Variants in PKM observed in about 807,000 individuals in gnomAD.
PKM encodes pyruvate kinase PKM.
PKM carries 18 observed loss-of-function variants against 49.8 expected under a neutral mutation model. The observed-to-expected ratio is 0.36, with a 90% confidence interval of 0.25 to 0.54. The LOEUF is 0.54. PKM is among the 20% of genes least tolerant of loss of function. The pLI is 0.89. For missense variants in PKM, 508 were observed against 713.8 expected, an observed-to-expected ratio of 0.71 and a Z score of 3.28; for synonymous variants, 239 against 261.8, an observed-to-expected ratio of 0.91 and a Z score of 0.84.
chr15:72,216,949 C>T (rs2082391117), intron 3 of PKM, among the ~76,000 whole-genome samples: 1 of 152,162 alleles, frequency 6.6e-6, no homozygotes, highest in South Asian at 2.1e-4. Flanking sequence ...CTCAGTCCCT[C>T]AAAACTTAGA....
At position 72,199,394 on chromosome 15, in the gene PKM, GC is replaced by G. The variant is rs1433874968; in HGVS notation, c.*255del. The G allele has an allele frequency of 6.0e-6, 4 of 669,282 alleles. No individual in the cohort carries two copies. In the Admixed American group the frequency reaches 8.2e-5, roughly 14 times the overall value. The allele number at this position is 669,282 out of a possible 1,614,324, so 41.5% of individuals were successfully genotyped here. A position where few individuals can be genotyped will look rare whatever the true frequency, so the allele number is the denominator to read the frequency against. ...ACCCTCTTGCCATCTGGCTCCAGGG[GC>G]CTCCAGTCCAGCATTCCTCCTTCTT... On this transcript the variant is annotated 3_prime_UTR_variant, in exon 11 of 11. Transcript: ENST00000335181.
intron 2 of PKM, among the ~76,000 whole-genome samples, chr15:72,218,586 ATTT>A (rs11356526): frequency 1.5e-5 from 2 of 135,536 alleles, no homozygotes; most frequent in Non-Finnish European, 1.6e-5. Context: ...TGCCCAGCTA[ATTT>A]TTTTTTTTTT....
chr15:72,221,924 C>CAAAA (rs10706808), intron 1 of PKM, among the ~76,000 whole-genome samples: 1 of 109,934 alleles, frequency 9.1e-6, no homozygotes, highest in Non-Finnish European at 2.0e-5. Flanking sequence ...AACCTCAAAG[C>CAAAA]AAAAAAAAAA....
chr15:72,206,654 C>G, intron 8 of PKM, 74 bp downstream of exon 8: 1 of 1,450,728 alleles, frequency 6.9e-7, no homozygotes, highest in Non-Finnish European at 9.7e-7. Flanking sequence ...ACCTAAAAAG[C>G]TCTGCACCAG....
chr15:72,211,398 G>GA, intron 3 of PKM, among the ~76,000 whole-genome samples: 1 of 152,164 alleles, frequency 6.6e-6, no homozygotes, highest in Non-Finnish European at 1.5e-5. Flanking sequence ...ATTGGAGGGG[G>GA]AAAGGTGGTC....
Position 72,209,857 on chromosome 15 carries a change from G to A in PKM, c.381C>T (p.Ser127=), listed in dbSNP as rs61731567. 1.6e-4 allele frequency: 252 copies of A among 1,613,598 alleles called. No individual in the cohort carries two copies. In the African/African-American group the frequency reaches 2.3e-3, roughly 15 times the overall value. ...TCTTCAGCTCCACCTCTGCAGTGCC[G>A]CTCTAGGGACAAGAGAGTAAGCAAG... The part of the protein sequence containing the change: ...PEIRTGLIKG[S]GTAEVELKKG... The change falls in exon 5 of 11, where the codon AGC becomes AGT. Residue 127 remains serine, a splice_region_variant and synonymous_variant. Coordinates refer to ENST00000335181, the MANE Select transcript of PKM (RefSeq NM_002654.6).
At position 72,219,088 on chromosome 15, in the gene PKM, G is replaced by A. The variant is rs765586509; in HGVS notation, c.10C>T (p.Pro4Ser). The A allele has an allele frequency of 7.4e-6, 12 of 1,613,706 alleles. No homozygotes were observed. Among genetic ancestry groups the A allele is most frequent in the Non-Finnish European group, 1.0e-5 (12 of 1,179,636 alleles). ...AAGGCAGTCCCGGCTTCACTATGGG[G>A]CTTCGACATGGCTGCTGAGGTCCTG... Reference protein sequence around the residue: MSKPHSEAGTAFIQ... With the variant: MSKSHSEAGTAFIQ... The change falls in exon 2 of 11, where the codon CCC becomes TCC. Residue 4 changes from proline (P) to serine (S), a missense_variant. Transcript: ENST00000335181.
Position 72,207,244 on chromosome 15 carries a change from G to A in PKM, c.870C>T (p.Ile290=), listed in dbSNP as rs1165330588. The A allele has an allele frequency of 9.3e-6, 15 of 1,614,136 alleles. No homozygotes were observed. Among genetic ancestry groups the A allele is most frequent in the Non-Finnish European group, 1.3e-5 (15 of 1,179,972 alleles). ...TGCCTAGATCACCACGAGCCACCAT[G>A]ATCCCATCACTGGCCTCCAGGATTT... ...FDEILEASDG[I]MVARGDLGIE... The change falls in exon 7 of 11, where the codon ATC becomes ATT. Residue 290 remains isoleucine, a synonymous_variant. Coordinates refer to ENST00000335181, the MANE Select transcript of PKM (RefSeq NM_002654.6).
chr15:72,212,061 C>T (rs760256794), intron 3 of PKM, among the ~76,000 whole-genome samples: 9 of 152,192 alleles, frequency 5.9e-5, no homozygotes, highest in Non-Finnish European at 1.3e-4. Context: ...TAAAAATCTT[C>T]AGCTTCTTAT....
chr15:72,218,330 T>C (rs2082426904), intron 2 of PKM, among the ~76,000 whole-genome samples: 2 of 152,126 alleles, frequency 1.3e-5, no homozygotes, highest in Non-Finnish European at 2.9e-5. Context: ...TTTCACCATG[T>C]TGGCCAGGCT....
At chr15:72,216,172 T>C (rs2082372093) in intron 3 of PKM, among the ~76,000 whole-genome samples, 1 of 152,238 alleles carries the variant, frequency 6.6e-6, no homozygotes, top group Non-Finnish European at 1.5e-5. Context: ...GAGGGCAACC[T>C]CTGTAAGGCA....
At chr15:72,227,135 G>A (rs8192369) in intron 1 of PKM, among the ~76,000 whole-genome samples, 199 of 152,304 alleles carry the variant, frequency 1.3e-3, no homozygotes, top group African/African-American at 4.5e-3. Flanking sequence ...CAAGTATGGT[G>A]GTATCAAAAA....
chr15:72,212,406 C>T lies in PKM; in HGVS notation c.247-1928G>A, dbSNP rs1167124408. Among the ~76,000 whole-genome samples, 5 of 150,690 alleles carry T rather than the reference C, an allele frequency of 3.3e-5. No individual in the cohort carries two copies. The East Asian group carries it at 9.8e-4, about 30-fold the overall frequency. On this transcript the variant is annotated intron_variant, in intron 3 of 10. Coordinates refer to ENST00000335181, the MANE Select transcript of PKM (RefSeq NM_002654.6). ...AAGAGAACCACTTGAACCTAGGAGG[C>T]AGAAGTTGCAGTGAGCCGAGATCGT...
At chr15:72,219,534 G>A (rs1346993257) in intron 1 of PKM, 4 of 163,480 alleles carry the variant, frequency 2.4e-5, no homozygotes, top group East Asian at 1.6e-4. Context: ...CTAGCTTAGT[G>A]CCTTGATAAG....
chr15:72,209,887 CA>C, intron 4 of PKM, 28 bp from the exon 5 acceptor site: 3 of 1,594,114 alleles, frequency 1.9e-6, no homozygotes, highest in Non-Finnish European at 2.6e-6. Context: ...AGCAAGAGTC[CA>C]AACTGGAGAC....
chr15:72,208,915 G>A (rs2082159156), intron 5 of PKM, 24 bp from the exon 6 acceptor site: 2 of 1,609,664 alleles, frequency 1.2e-6, no homozygotes, highest in Admixed American at 3.4e-5. Flanking sequence ...GGTAAGTAGG[G>A]GAGGCAGAGC....
intron 3 of PKM, 64 bp from the exon 4 acceptor site, chr15:72,210,542 G>T: frequency 6.3e-7 from 1 of 1,591,840 alleles, no homozygotes; most frequent in Non-Finnish European, 8.6e-7. Context: ...CAATTCCCCT[G>T]CCCAGGAGCC....
At chr15:72,221,696 T>G (rs2082528968) in intron 1 of PKM, among the ~76,000 whole-genome samples, 2 of 152,098 alleles carry the variant, frequency 1.3e-5, no homozygotes, top group Admixed American at 1.3e-4. Flanking sequence ...AGGAAGTAAA[T>G]GAAATGTGAA....
At chr15:72,214,094 A>G (rs577722391) in intron 3 of PKM, among the ~76,000 whole-genome samples, 1 of 152,276 alleles carries the variant, frequency 6.6e-6, no homozygotes, top group African/African-American at 2.4e-5. Context: ...TCTGAGTTAA[A>G]TATTTATTTC....
Sources: gnomAD v4.1 joint callset for allele counts (sites outside exome capture counted in the v4.1 genomes callset) on GRCh38, gnomAD v4.1.1 for gene constraint, MANE v1.5 for transcripts, NCBI Gene and HGNC (gene_info 2026-07-23, HGNC 2026-07-21) for gene names.